The following KCND2 variants were observed in gnomAD, a reference collection of about 807,000 sequenced individuals.
KCND2 encodes potassium voltage-gated channel subfamily D member 2, also known as A-type voltage-gated potassium channel KCND2.
Under a neutral mutation model 54.4 loss-of-function variants are expected in KCND2, and 16 were observed. That is an observed-to-expected ratio of 0.29 (90% CI 0.20 to 0.45). The LOEUF is 0.45. Ranked by LOEUF, KCND2 falls within the 20% of genes least tolerant of loss-of-function variation. The pLI is 1.00. For missense variants in KCND2, 486 were observed against 824.2 expected (o/e 0.59, Z 5.02); for synonymous variants, 317 against 310.7 (o/e 1.02, Z -0.21).
chr7:120,355,698 C>T (rs752103017), intron 1 of KCND2, among the ~76,000 whole-genome samples: 1 of 152,086 alleles, frequency 6.6e-6, no homozygotes, highest in Non-Finnish European at 1.5e-5. Flanking sequence ...GTACGCTTTC[C>T]CCTGAATATC....
intron 1 of KCND2, among the ~76,000 whole-genome samples, chr7:120,519,981 A>G (rs1323110159): frequency 1.3e-5 from 2 of 152,136 alleles, no homozygotes; most frequent in African/African-American, 4.8e-5. Flanking sequence ...TATCCTAATT[A>G]TTAAATATCA....
intron 1 of KCND2, among the ~76,000 whole-genome samples, chr7:120,622,196 A>G (rs1022055354): frequency 1.3e-5 from 2 of 152,162 alleles, no homozygotes; most frequent in African/African-American, 2.4e-5. Context: ...CGGGATTTTA[A>G]TCAAGTTAGA....
intron 1 of KCND2, among the ~76,000 whole-genome samples, chr7:120,721,322 T>A (rs1243739413): frequency 6.6e-6 from 1 of 152,168 alleles, no homozygotes; most frequent in Non-Finnish European, 1.5e-5. Flanking sequence ...TATACCTTAG[T>A]TTGTATAGTT....
At chr7:120,533,507 A>G (rs1244102386) in intron 1 of KCND2, among the ~76,000 whole-genome samples, 3 of 152,262 alleles carry the variant, frequency 2.0e-5, no homozygotes, top group South Asian at 4.1e-4. Flanking sequence ...TAGAGCAAAT[A>G]TGCTGCATCT....
chr7:120,511,104 C>T (rs1210256741), intron 1 of KCND2, among the ~76,000 whole-genome samples: 1 of 151,552 alleles, frequency 6.6e-6, no homozygotes, highest in Non-Finnish European at 1.5e-5. Context: ...TAGTCTCTTG[C>T]TATTTTTTGT....
intron 1 of KCND2, among the ~76,000 whole-genome samples, chr7:120,371,210 A>G (rs1305659566): frequency 6.6e-6 from 1 of 151,996 alleles, no homozygotes; most frequent in Non-Finnish European, 1.5e-5. Context: ...CCCTGAGTTC[A>G]GCAGAGCCTT....
At chr7:120,592,494 T>G (rs1382003724) in intron 1 of KCND2, among the ~76,000 whole-genome samples, 2 of 152,126 alleles carry the variant, frequency 1.3e-5, no homozygotes, top group African/African-American at 4.8e-5. Flanking sequence ...ATCATGCCAC[T>G]GCACTCCAGC....
chr7:120,330,718 C>G (rs1233871399), intron 1 of KCND2, among the ~76,000 whole-genome samples: 1 of 151,058 alleles, frequency 6.6e-6, no homozygotes. Context: ...ATTAGTCTAT[C>G]AAAGGCAATG....
intron 1 of KCND2, among the ~76,000 whole-genome samples, chr7:120,419,753 G>C (rs991489754): frequency 6.6e-6 from 1 of 151,994 alleles, no homozygotes; most frequent in East Asian, 1.9e-4. Context: ...TGAGGACACA[G>C]AAAAAGATAA....
chr7:120,482,518 C>T (rs1346575222), intron 1 of KCND2, among the ~76,000 whole-genome samples: 1 of 152,008 alleles, frequency 6.6e-6, no homozygotes, highest in African/African-American at 2.4e-5. Flanking sequence ...GTGTTGGAAA[C>T]TTATTCTCTC....
chr7:120,386,942 A>G (rs891048225), intron 1 of KCND2, among the ~76,000 whole-genome samples: 20 of 152,120 alleles, frequency 1.3e-4, no homozygotes, highest in African/African-American at 4.6e-4. Context: ...ATTCAGTGCA[A>G]TTATTCCAGT....
At chr7:120,283,577 CAAAT>C (rs1432818402) in intron 1 of KCND2, among the ~76,000 whole-genome samples, 2 of 151,896 alleles carry the variant, frequency 1.3e-5, no homozygotes, top group African/African-American at 4.8e-5. Flanking sequence ...ACTAATAACA[CAAAT>C]AAAACTAGTT....
At chr7:120,320,115 C>A (rs1266803120) in intron 1 of KCND2, among the ~76,000 whole-genome samples, 1 of 151,860 alleles carries the variant, frequency 6.6e-6, no homozygotes, top group Non-Finnish European at 1.5e-5. Context: ...TGTACAATAA[C>A]AAACATTGAA....
At chr7:120,328,768 G>C (rs771450089) in intron 1 of KCND2, among the ~76,000 whole-genome samples, 1 of 151,966 alleles carries the variant, frequency 6.6e-6, no homozygotes, top group African/African-American at 2.4e-5. Context: ...TATAAGAAAC[G>C]TAGATTTTAA....
intron 1 of KCND2, among the ~76,000 whole-genome samples, chr7:120,426,714 C>CAGGTTCAT (rs1189628329): frequency 4.0e-5 from 6 of 150,578 alleles, no homozygotes; most frequent in Admixed American, 1.3e-4. Context: ...CTCCGCCTCC[C>CAGGTTCAT]AGGTTCATGC....
At chr7:120,623,987 A>T (rs748913533) in intron 1 of KCND2, among the ~76,000 whole-genome samples, 1 of 152,202 alleles carries the variant, frequency 6.6e-6, no homozygotes. Flanking sequence ...TGATGCAAAT[A>T]TTGTCTGACA....
intron 1 of KCND2, among the ~76,000 whole-genome samples, chr7:120,704,995 C>T (rs1792448286): frequency 1.3e-5 from 2 of 152,084 alleles, no homozygotes; most frequent in Non-Finnish European, 2.9e-5. Flanking sequence ...AAAAAGAATT[C>T]ATATTTTAAG....
At chr7:120,513,349 T>C (rs1803148188) in intron 1 of KCND2, among the ~76,000 whole-genome samples, 1 of 152,158 alleles carries the variant, frequency 6.6e-6, no homozygotes, top group Non-Finnish European at 1.5e-5. Flanking sequence ...TTTATCATTA[T>C]TTTTCTTCTC....
intron 1 of KCND2, among the ~76,000 whole-genome samples, chr7:120,591,548 G>A (rs989281955): frequency 1.3e-5 from 2 of 152,270 alleles, no homozygotes; most frequent in Middle Eastern, 6.8e-3. Context: ...GAAATACAAT[G>A]TGTTTATACC....
Sources: allele counts gnomAD v4.1 joint callset (sites outside exome capture counted in the v4.1 genomes callset), GRCh38; gene constraint gnomAD v4.1.1; transcripts MANE v1.5; gene names NCBI Gene and HGNC (gene_info 2026-07-23, HGNC 2026-07-21).